NFIL3: variants seen among roughly 807,000 people sequenced by gnomAD.
NFIL3 encodes nuclear factor, interleukin 3 regulated.
Under a neutral mutation model 10.0 loss-of-function variants are expected in NFIL3, and 5 were observed. The ratio of observed to expected loss-of-function variants is 0.50; its 90% confidence interval spans 0.26 to 1.06. The LOEUF is 1.06. Among genes scored for constraint, NFIL3 ranks in the 50% least tolerant of loss-of-function variants. The pLI is 0.13. For missense variants in NFIL3, 436 were observed against 547.6 expected, an observed-to-expected ratio of 0.80 and a Z score of 2.03; for synonymous variants, 202 against 206.5, an observed-to-expected ratio of 0.98 and a Z score of 0.19.
At chr9:91,473,048 T>C in the NFIL3 span, among the ~76,000 whole-genome samples, 1 of 152,024 alleles carries the variant, frequency 6.6e-6, no homozygotes, top group African/African-American at 2.4e-5. Flanking sequence ...TGCAGAACAG[T>C]AAATATTGCC....
chr9:91,477,789 A>T, the NFIL3 span, among the ~76,000 whole-genome samples: 4 of 152,220 alleles, frequency 2.6e-5, no homozygotes, highest in Admixed American at 2.6e-4. Context: ...GGGGAGATTG[A>T]GCACATTCCT....
chr9:91,455,386 C>G, the NFIL3 span, among the ~76,000 whole-genome samples: 1 of 152,034 alleles, frequency 6.6e-6, no homozygotes, highest in Non-Finnish European at 1.5e-5. Context: ...GTCCCATCTC[C>G]CCATTTTATT....
the NFIL3 span, among the ~76,000 whole-genome samples, chr9:91,469,177 C>G: frequency 6.6e-6 from 1 of 152,116 alleles, no homozygotes; most frequent in South Asian, 2.1e-4. Context: ...ATGGAATGTT[C>G]TATTTGTTTG....
the NFIL3 span, among the ~76,000 whole-genome samples, chr9:91,471,370 G>A: frequency 3.3e-5 from 5 of 150,056 alleles, no homozygotes; most frequent in Non-Finnish European, 7.4e-5. Flanking sequence ...TTTGTTTGGT[G>A]TATCTTCCTC....
the NFIL3 span, among the ~76,000 whole-genome samples, chr9:91,452,414 A>G: frequency 4.6e-5 from 7 of 150,906 alleles, no homozygotes; most frequent in Non-Finnish European, 1.0e-4. Context: ...GTTGTCCTAC[A>G]TTTCCAGATC....
the NFIL3 span, among the ~76,000 whole-genome samples, chr9:91,441,656 T>A: frequency 6.6e-6 from 1 of 150,612 alleles, no homozygotes; most frequent in African/African-American, 2.4e-5. Flanking sequence ...TTATTGTTTG[T>A]ATACCAGTTA....
chr9:91,430,407 A>G, the NFIL3 span, among the ~76,000 whole-genome samples: 74 of 152,278 alleles, frequency 4.9e-4, no homozygotes, highest in Middle Eastern at 6.8e-3. Context: ...CTTAAGGTAC[A>G]TGTTTACTGA....
the NFIL3 span, among the ~76,000 whole-genome samples, chr9:91,474,515 C>A: frequency 6.6e-6 from 1 of 152,102 alleles, no homozygotes; most frequent in South Asian, 2.1e-4. Flanking sequence ...TATTTTGGGG[C>A]AATGGTTTGG....
chr9:91,455,236 A>T, the NFIL3 span, among the ~76,000 whole-genome samples: 1 of 152,138 alleles, frequency 6.6e-6, no homozygotes. Flanking sequence ...CTTTTCCTCA[A>T]ACTTTTGCTC....
chr9:91,468,319 G>T, the NFIL3 span, among the ~76,000 whole-genome samples: 5 of 152,162 alleles, frequency 3.3e-5, no homozygotes, highest in Admixed American at 2.0e-4. Context: ...GCGTCTTTTG[G>T]CTGCATAAAT....
At chr9:91,440,972 A>G in the NFIL3 span, among the ~76,000 whole-genome samples, 1 of 152,144 alleles carries the variant, frequency 6.6e-6, no homozygotes, top group African/African-American at 2.4e-5. Flanking sequence ...AAAAATGTGT[A>G]TTCTGCTGCT....
At chr9:91,457,224 TA>T in the NFIL3 span, among the ~76,000 whole-genome samples, 3 of 151,292 alleles carry the variant, frequency 2.0e-5, no homozygotes, top group Non-Finnish European at 2.9e-5. Flanking sequence ...TAACATTTTT[TA>T]AGGATCAGTT....
the NFIL3 span, among the ~76,000 whole-genome samples, chr9:91,482,364 A>G: frequency 7.2e-5 from 11 of 152,168 alleles, no homozygotes; most frequent in African/African-American, 2.4e-4. Context: ...GGTGAAAGTT[A>G]TGGCAAAGAG....
chr9:91,472,727 G>A, the NFIL3 span, among the ~76,000 whole-genome samples: 10 of 152,058 alleles, frequency 6.6e-5, no homozygotes, highest in South Asian at 2.1e-4. Flanking sequence ...GTCATTCTCC[G>A]TCCAGCTTTG....
chr9:91,483,361 G>A, the NFIL3 span, among the ~76,000 whole-genome samples: 1 of 152,186 alleles, frequency 6.6e-6, no homozygotes, highest in South Asian at 2.1e-4. Context: ...CTCAAAATCA[G>A]AAAGCCTGGA....
the NFIL3 span, among the ~76,000 whole-genome samples, chr9:91,442,170 A>C: frequency 6.6e-6 from 1 of 151,986 alleles, no homozygotes; most frequent in Non-Finnish European, 1.5e-5. Flanking sequence ...TCTGTGAAAG[A>C]CTTTATTTCT....
chr9:91,414,486 C>T (rs185166727), intron 1 of NFIL3, among the ~76,000 whole-genome samples: 24 of 152,132 alleles, frequency 1.6e-4, no homozygotes, highest in Admixed American at 2.6e-4. Context: ...CTTGAACTCC[C>T]GACCTCAGGT....
At chr9:91,478,471 A>G in the NFIL3 span, among the ~76,000 whole-genome samples, 6 of 151,610 alleles carry the variant, frequency 4.0e-5, no homozygotes, top group African/African-American at 1.5e-4. Flanking sequence ...TGCTTCATGA[A>G]GTTCTCGTGC....
Position 91,410,028 on chromosome 9 carries a change from C to T in NFIL3, c.707G>A (p.Arg236Gln). The T allele has an allele frequency of 3.7e-6, 6 of 1,612,690 alleles. No individual in the cohort carries two copies. The highest frequency in any genetic ancestry group is 2.2e-5 in the East Asian group (1 of 44,874). The change falls in exon 2 of 2, where the codon CGA becomes CAA. Residue 236 changes from arginine to glutamine, a missense_variant. This residue lies in a region of NFIL3 where 338 missense variants were observed against 399.9 expected (regional missense o/e 0.85). Coordinates refer to ENST00000297689, the MANE Select transcript of NFIL3 (RefSeq NM_005384.3). The surrounding 1 kb of genome is among the most constrained non-coding windows in gnomAD (Gnocchi z 5.7). ...ESYTREPRDD[R>Q]GSYTASIYQN... Reference sequence around the variant, plus strand: ...ATAGATGGACGCTGTGTAAGAGCCTCGGTCATCTCTTGGCTCCCTTGTGTA... The same window carrying T: ...ATAGATGGACGCTGTGTAAGAGCCTTGGTCATCTCTTGGCTCCCTTGTGTA...
Sources: allele counts gnomAD v4.1 joint callset (sites outside exome capture counted in the v4.1 genomes callset), GRCh38; gene constraint gnomAD v4.1.1; regional missense constraint gnomAD v4.1.1; non-coding constraint Gnocchi (gnomAD v3.1); transcripts MANE v1.5; gene names NCBI Gene and HGNC (gene_info 2026-07-23, HGNC 2026-07-21).